The following NKD1 variants were observed in gnomAD, a reference collection of about 807,000 sequenced individuals.
NKD1 encodes protein naked cuticle homolog 1.
NKD1 carries 21 observed loss-of-function variants against 56.0 expected under a neutral mutation model. That is an observed-to-expected ratio of 0.38 (90% CI 0.27 to 0.54). The LOEUF (loss-of-function observed/expected upper bound fraction) is 0.54, where lower values mean the gene tolerates loss of function less well. NKD1 is among the 20% of genes least tolerant of loss of function. NKD1 has a pLI of 0.82. For missense variants in NKD1, 578 were observed against 642.7 expected (o/e 0.90, Z 1.09); for synonymous variants, 263 against 265.7 (o/e 0.99, Z 0.10).
At chr16:50,587,709 G>T (rs1371040279) in intron 3 of NKD1, among the ~76,000 whole-genome samples, 3 of 152,204 alleles carry the variant, frequency 2.0e-5, no homozygotes, top group African/African-American at 7.2e-5. Context: ...CTAGAGCAGG[G>T]ATCCCCAAAC....
At chr16:50,567,573 C>T (rs1300697401) in intron 3 of NKD1, among the ~76,000 whole-genome samples, 1 of 152,206 alleles carries the variant, frequency 6.6e-6, no homozygotes, top group Non-Finnish European at 1.5e-5. Context: ...CGGGACACCC[C>T]TCACTTATTT....
intron 3 of NKD1, chr16:50,552,478 G>A (rs757527465): frequency 2.0e-5 from 3 of 152,226 alleles, no homozygotes; most frequent in Non-Finnish European, 4.4e-5. Flanking sequence ...TCCTGATGAG[G>A]TCTGAGGGGC....
chr16:50,585,844 G>T (rs983065464), intron 3 of NKD1, among the ~76,000 whole-genome samples: 3 of 152,180 alleles, frequency 2.0e-5, no homozygotes, highest in Non-Finnish European at 2.9e-5. Flanking sequence ...CAGACGTGCT[G>T]ATCACTGTGT....
At position 50,643,639 on chromosome 16, in the gene NKD1, GAGTT is replaced by G. The variant is rs1488091609; in HGVS notation, c.*9861_*9864del. On this transcript the variant is annotated 3_prime_UTR_variant, in exon 10 of 10. Coordinates refer to ENST00000268459, the MANE Select transcript of NKD1 (RefSeq NM_033119.5). ...ATCTTATAAAGTCACCTCTGACACT[GAGTT>G]AGCGCATACTGAACTACTGATCCTA... 2 of 152,254 alleles carry G rather than the reference GAGTT, an allele frequency of 1.3e-5. No individual in the cohort carries two copies. The highest frequency in any genetic ancestry group is 2.9e-5 in the Non-Finnish European group (2 of 68,046). The allele number at this position is 152,254 out of a possible 1,614,324, so 9.4% of individuals were successfully genotyped here.
intron 3 of NKD1, among the ~76,000 whole-genome samples, chr16:50,585,313 C>T (rs1439321096): frequency 2.0e-5 from 3 of 152,168 alleles, no homozygotes; most frequent in African/African-American, 7.2e-5. Context: ...TGGCACTTCC[C>T]AATTCCTGGG....
chr16:50,563,549 C>T (rs12926374), intron 3 of NKD1, among the ~76,000 whole-genome samples: 1 of 133,498 alleles, frequency 7.5e-6, no homozygotes, highest in South Asian at 2.5e-4. Context: ...AGCCCTGGAC[C>T]CATGGAGAAG....
intron 3 of NKD1, among the ~76,000 whole-genome samples, chr16:50,588,834 C>T (rs745468806): frequency 2.3e-4 from 35 of 151,968 alleles, no homozygotes; most frequent in Non-Finnish European, 4.4e-4. Context: ...AAACTCCTGA[C>T]GTCAAGGGAT....
At chr16:50,574,008 A>G (rs1960940972) in intron 3 of NKD1, 4 of 954,978 alleles carry the variant, frequency 4.2e-6, no homozygotes, top group Non-Finnish European at 3.7e-6. Context: ...CTATATATAC[A>G]TAGAAATTTT....
rs187116806 is a variant in NKD1 at position 50,561,837 on chromosome 16, A to G, written c.192+12282A>G. 3.3e-5 allele frequency among the ~76,000 whole-genome samples: 5 copies of G among 152,338 alleles called. No homozygotes were observed. In the East Asian group the frequency reaches 9.6e-4, roughly 29 times the overall value. ...TGGGAAGTGGGATTCACTGGGGGCCATCCACACAGTCTACCGGAGAGTAGG... is the reference window on the plus strand; with the variant it reads ...TGGGAAGTGGGATTCACTGGGGGCCGTCCACACAGTCTACCGGAGAGTAGG... On this transcript the variant is annotated intron_variant, in intron 3 of 9. Coordinates refer to ENST00000268459, the MANE Select transcript of NKD1 (RefSeq NM_033119.5).
intron 3 of NKD1, chr16:50,552,593 A>C (rs899743252): frequency 6.6e-6 from 1 of 152,242 alleles, no homozygotes. Flanking sequence ...ATACAGAAAT[A>C]AATGAGGTCA....
chr16:50,608,520 A>C (rs1402022693), intron 4 of NKD1, 160 bp downstream of exon 4: 1 of 661,652 alleles, frequency 1.5e-6, no homozygotes, highest in Non-Finnish European at 2.8e-6. Flanking sequence ...GGGATGGAGG[A>C]GAGGAGTAAG....
chr16:50,559,095 C>T (rs1476140503), intron 3 of NKD1, among the ~76,000 whole-genome samples: 1 of 152,212 alleles, frequency 6.6e-6, no homozygotes, highest in Non-Finnish European at 1.5e-5. Context: ...AGTGATGGCT[C>T]ATCTCTGATT....
At chr16:50,593,820 A>G (rs923951669) in intron 3 of NKD1, among the ~76,000 whole-genome samples, 1 of 152,158 alleles carries the variant, frequency 6.6e-6, no homozygotes, top group African/African-American at 2.4e-5. Context: ...CTACACAGTG[A>G]TCTGTTATCT....
At chr16:50,570,486 G>A (rs902985987) in intron 3 of NKD1, among the ~76,000 whole-genome samples, 5 of 152,232 alleles carry the variant, frequency 3.3e-5, no homozygotes, top group Non-Finnish European at 7.3e-5. Context: ...CCCAGAGATA[G>A]CCAGGACCGA....
At chr16:50,600,402 G>A (rs1300822941) in intron 3 of NKD1, among the ~76,000 whole-genome samples, 1 of 152,084 alleles carries the variant, frequency 6.6e-6, no homozygotes, top group East Asian at 1.9e-4. Context: ...GTTGGAGGCT[G>A]CAGTGAGCTG....
chr16:50,647,280 T>A lies in NKD1; in HGVS notation c.*13499T>A, dbSNP rs1962699335. 1 of 152,258 alleles carries A rather than the reference T, an allele frequency of 6.6e-6. No homozygotes were observed. The highest frequency in any genetic ancestry group is 6.5e-5 in the Admixed American group (1 of 15,284). 9.4% of individuals were successfully genotyped at this position (152,258 alleles called of 1,614,324 possible). On this transcript the variant is annotated 3_prime_UTR_variant, in exon 10 of 10. Transcript: ENST00000268459. ...TGACCTTATTCTGGGCAATGAGATC[T>A]GAAGGGAAGTCTGTTGAGGAACTTG...
intron 3 of NKD1, among the ~76,000 whole-genome samples, chr16:50,567,453 G>A (rs1423597075): frequency 1.3e-5 from 2 of 152,204 alleles, no homozygotes; most frequent in African/African-American, 4.8e-5. Flanking sequence ...TGAGATGATT[G>A]CTCCCCATTT....
rs1023038475 is a variant in NKD1 at position 50,649,144 on chromosome 16, C to T, written c.*15363C>T. On this transcript the variant is annotated 3_prime_UTR_variant, in exon 10 of 10. Transcript: ENST00000268459. The stretch of plus-strand genomic sequence containing the variant: ...TAGCAGTCAGATTCGTCTAATCCTC[C>T]TTTAAAGATGGTGGCAGTGAAACTG... The T allele has an allele frequency of 6.6e-6, 1 of 152,204 alleles. No homozygotes were observed. The highest frequency in any genetic ancestry group is 1.5e-5 in the Non-Finnish European group (1 of 68,038). The allele number at this position is 152,204 out of a possible 1,614,324, so 9.4% of individuals were successfully genotyped here.
At chr16:50,574,777 C>T (rs1248458865) in intron 3 of NKD1, 23 of 985,246 alleles carry the variant, frequency 2.3e-5, no homozygotes, top group Non-Finnish European at 2.8e-5. Context: ...TCTTCTGAGC[C>T]CTGTAAAAAT....
Sources: allele counts gnomAD v4.1 joint callset (sites outside exome capture counted in the v4.1 genomes callset), GRCh38; gene constraint gnomAD v4.1.1; transcripts MANE v1.5; gene names NCBI Gene and HGNC (gene_info 2026-07-23, HGNC 2026-07-21).